The following MINK1 variants were observed in gnomAD, a reference collection of about 807,000 sequenced individuals.
MINK1 encodes misshapen-like kinase 1.
MINK1 carries 46 observed loss-of-function variants against 178.4 expected under a neutral mutation model. The ratio of observed to expected loss-of-function variants is 0.26; its 90% CI spans 0.20 to 0.33. MINK1 has a LOEUF of 0.33. MINK1 is among the 10% of genes least tolerant of loss of function. MINK1 has a pLI of 1.00. For synonymous variants in MINK1, 797 were observed against 709.7 expected, an observed-to-expected ratio of 1.12 and a Z score of -1.96; for missense variants, 1,366 against 1,814.9, an observed-to-expected ratio of 0.75 and a Z score of 4.49.
chr17:4,868,256 C>T (rs112028513), intron 1 of MINK1, among the ~76,000 whole-genome samples: 10,040 of 152,160 alleles, frequency 0.066, 1,026 homozygotes, highest in African/African-American at 0.22. Context: ...GGATTACAGG[C>T]GTGAGCCACC....
intron 1 of MINK1, among the ~76,000 whole-genome samples, chr17:4,837,753 C>T (rs750648304): frequency 2.0e-5 from 3 of 152,158 alleles, no homozygotes; most frequent in African/African-American, 4.8e-5. Context: ...CCATCCAGCT[C>T]GAAGTTTGAC....
chr17:4,897,122 C>G, intron 31 of MINK1, 82 bp from the exon 32 acceptor site: 1 of 1,187,952 alleles, frequency 8.4e-7, no homozygotes, highest in East Asian at 2.5e-5. Flanking sequence ...TTCTGCCACC[C>G]CTTCTTCCCT....
intron 1 of MINK1, chr17:4,868,858 T>C: frequency 3.0e-6 from 1 of 335,142 alleles, no homozygotes. Flanking sequence ...CAAGCAGTCC[T>C]CCCACCTCAG....
Position 4,887,553 on chromosome 17 carries a change from G to T in MINK1, c.1020-27G>T. On this transcript the variant is annotated intron_variant, in intron 11 of 31. Coordinates refer to ENST00000355280, the MANE Select transcript of MINK1 (RefSeq NM_153827.5). The surrounding 1 kb of genome is among the most constrained non-coding windows in gnomAD (Gnocchi z 7.6). ...GGGAACCAACAGGGTTCTGACCCCA[G>T]TGCTTCTTTGTGCCACCCCTGCCCA... 6.8e-7 allele frequency: 1 copy of T among 1,476,430 alleles called. No individual in the cohort carries two copies. Among genetic ancestry groups the T allele is most frequent in the Non-Finnish European group, 9.0e-7 (1 of 1,112,058 alleles). The allele number at this position is 1,476,430 out of a possible 1,614,324, so 91.5% of individuals were successfully genotyped here.
chr17:4,893,431 C>T lies in MINK1; in HGVS notation c.2401-3C>T. The T allele has an allele frequency of 6.3e-7, 1 of 1,597,594 alleles. No homozygotes were observed. The highest frequency in any genetic ancestry group is 1.1e-5 in the South Asian group (1 of 90,750). The stretch of plus-strand genomic sequence containing the variant: ...CTGCCCCTCACGTGGCTCCTCCCTG[C>T]AGGACTTTGTGTTGCTGAAAGAGCG... On this transcript the variant is annotated splice_region_variant and splice_polypyrimidine_tract_variant and intron_variant, in intron 20 of 31. Coordinates refer to ENST00000355280, the MANE Select transcript of MINK1 (RefSeq NM_153827.5).
intron 1 of MINK1, among the ~76,000 whole-genome samples, chr17:4,839,266 C>A (rs57610224): frequency 6.6e-6 from 1 of 152,182 alleles, no homozygotes; most frequent in African/African-American, 2.4e-5. Flanking sequence ...TTAACTGTTA[C>A]TGTTTTCCTC....
intron 1 of MINK1, among the ~76,000 whole-genome samples, chr17:4,846,431 T>C (rs1456952625): frequency 2.0e-5 from 3 of 152,238 alleles, no homozygotes; most frequent in Non-Finnish European, 4.4e-5. Context: ...CGTACTTTTT[T>C]CTTAGGCTGA....
In MINK1 at chr17:4,844,877, A is replaced by G. The variant is rs1910784672; in HGVS notation, c.57+11237A>G. ...TGATTAAGTATATGTAAGACTTACC[A>G]TTATAACCATTTTTCAGCGTACACT... On this transcript the variant is annotated intron_variant, in intron 1 of 31. Transcript: ENST00000355280. Among the ~76,000 whole-genome samples the G allele has an allele frequency of 2.6e-5, 4 of 152,124 alleles. No individual in the cohort carries two copies. In the South Asian group the frequency reaches 8.3e-4, roughly 32 times the overall value.
chr17:4,885,203 C>T lies in MINK1; in HGVS notation c.508+201C>T, dbSNP rs892392542. ...GAAGCTCTTCACCTGTCACCTGTTA[C>T]GGGCCAGGTGCTCTGCAGGTTGCTC... On this transcript the variant is annotated intron_variant, in intron 6 of 31. Transcript: ENST00000355280. This position sits in a 1 kb window ranked among gnomAD's most constrained non-coding sequence, Gnocchi z 5.0. Among the ~76,000 whole-genome samples the T allele has an allele frequency of 3.9e-5, 6 of 152,200 alleles. No homozygotes were observed. The highest frequency in any genetic ancestry group is 9.7e-5 in the African/African-American group (4 of 41,448).
intron 4 of MINK1, among the ~76,000 whole-genome samples, chr17:4,882,239 CATGCAAATTACTTTTATTGCAT>C (rs1313922003): frequency 1.3e-5 from 2 of 152,264 alleles, no homozygotes; most frequent in Non-Finnish European, 2.9e-5. Context: ...GGAATAGGCA[CATGCAAATTACTTTTATTGCAT>C]ATGCAAATAT....
intron 12 of MINK1, among the ~76,000 whole-genome samples, chr17:4,888,081 T>C (rs1198142546): frequency 6.6e-6 from 1 of 151,882 alleles, no homozygotes; most frequent in African/African-American, 2.4e-5. Flanking sequence ...CCAGGTGTGG[T>C]GGCGCATGCC....
intron 1 of MINK1, among the ~76,000 whole-genome samples, chr17:4,843,131 C>T (rs1567556517): frequency 6.6e-6 from 1 of 152,132 alleles, no homozygotes; most frequent in African/African-American, 2.4e-5. Context: ...TGGAAACTAC[C>T]TGAGCCCCAC....
At chr17:4,875,229 A>G (rs1382015374) in intron 1 of MINK1, 1 of 517,166 alleles carries the variant, frequency 1.9e-6, no homozygotes, top group Admixed American at 2.0e-5. Flanking sequence ...TCCAGCTCTC[A>G]GGGTCAGAAA....
Position 4,889,543 on chromosome 17 carries a change from C to A in MINK1, c.1231-104C>A, listed in dbSNP as rs537110601. ...ACAAGCGGAAGCCGGTCTCTCTTAC[C>A]ACCCTCCGTGGTGAGCAAGGAGGGC... On this transcript the variant is annotated intron_variant, in intron 12 of 31. Coordinates refer to ENST00000355280, the MANE Select transcript of MINK1 (RefSeq NM_153827.5). 13 of 1,000,334 alleles carry A rather than the reference C, an allele frequency of 1.3e-5. No homozygotes were observed. In the African/African-American group the frequency reaches 1.6e-4, roughly 12 times the overall value. The allele number at this position is 1,000,334 out of a possible 1,614,324, so 62.0% of individuals were successfully genotyped here.
chr17:4,886,044 C>A lies in MINK1; in HGVS notation c.695-76C>A, dbSNP rs1188384769. The A allele has an allele frequency of 1.9e-6, 3 of 1,609,392 alleles. No homozygotes were observed. The East Asian group carries it at 6.7e-5, about 36-fold the overall frequency. Reference sequence around the variant, plus strand: ...AGTGGCTGTAGGGAGGAGGTGGGTCCTGGGACCCTGCCGAGGAAGGGTCCT... The same window carrying A: ...AGTGGCTGTAGGGAGGAGGTGGGTCATGGGACCCTGCCGAGGAAGGGTCCT... On this transcript the variant is annotated intron_variant, in intron 8 of 31. Coordinates refer to ENST00000355280, the MANE Select transcript of MINK1 (RefSeq NM_153827.5). The surrounding 1 kb of genome is among the most constrained non-coding windows in gnomAD (Gnocchi z 6.1).
chr17:4,893,875 A>G (rs1306544447), intron 21 of MINK1, 113 bp from the exon 22 acceptor site: 15 of 931,186 alleles, frequency 1.6e-5, no homozygotes, highest in South Asian at 1.8e-5. Context: ...AGGGTGGAGC[A>G]GGTTGTGTTT....
intron 20 of MINK1, 74 bp downstream of exon 20, chr17:4,893,141 G>C: frequency 6.6e-7 from 1 of 1,506,728 alleles, no homozygotes; most frequent in Non-Finnish European, 9.0e-7. Flanking sequence ...TGGGTGTCAG[G>C]GGTGGGGTCT....
At position 4,896,565 on chromosome 17, in the gene MINK1, G is replaced by A; in HGVS notation, c.3752G>A (p.Trp1251Ter). 1 of 1,613,894 alleles carries A rather than the reference G, an allele frequency of 6.2e-7. No individual in the cohort carries two copies. The highest frequency in any genetic ancestry group is 8.5e-7 in the Non-Finnish European group (1 of 1,179,844). The change falls in exon 30 of 32, where the codon TGG (tryptophan) becomes TAG (stop). Residue 1251 changes from tryptophan to a stop codon, truncating the protein, a stop_gained. Coordinates refer to ENST00000355280, the MANE Select transcript of MINK1 (RefSeq NM_153827.5). LOFTEE classifies it high-confidence loss of function. The surrounding 1 kb of genome is among the most constrained non-coding windows in gnomAD (Gnocchi z 4.6). ...ATCATTAAGGATGTGGTGCTGCAGTGGGGGGAGATGCCTACTTCTGTGGGT... is the reference window on the plus strand; with the variant it reads ...ATCATTAAGGATGTGGTGCTGCAGTAGGGGGAGATGCCTACTTCTGTGGGT... ...GRIIKDVVLQ[W>*]GEMPTSVAYI...
At chr17:4,849,863 G>T (rs1039135536) in intron 1 of MINK1, among the ~76,000 whole-genome samples, 3 of 152,106 alleles carry the variant, frequency 2.0e-5, no homozygotes, top group African/African-American at 7.2e-5. Flanking sequence ...GTGAGCCACC[G>T]CGCCCGGCTG....
Sources: allele counts gnomAD v4.1 joint callset (sites outside exome capture counted in the v4.1 genomes callset), GRCh38; gene constraint gnomAD v4.1.1; non-coding constraint Gnocchi (gnomAD v3.1); transcripts MANE v1.5; gene names NCBI Gene and HGNC (gene_info 2026-07-23, HGNC 2026-07-21).